OXNAD1: variants seen among roughly 807,000 people sequenced by gnomAD.
OXNAD1 encodes the protein oxidoreductase NAD-binding domain-containing protein 1.
Under a neutral mutation model 32.9 loss-of-function variants are expected in OXNAD1, and 34 were observed. The observed-to-expected ratio is 1.03, with a 90% confidence interval of 0.79 to 1.38. The LOEUF (loss-of-function observed/expected upper bound fraction) is 1.38. OXNAD1 is among the 40% of genes most tolerant of loss of function. The pLI is 0.00. For synonymous variants in OXNAD1, 134 were observed against 135.2 expected (o/e 0.99, Z 0.06); for missense variants, 407 against 379.4 (o/e 1.07, Z -0.60).
intron 9 of OXNAD1, among the ~76,000 whole-genome samples, chr3:16,333,857 A>G (rs893772772): frequency 6.6e-6 from 1 of 152,216 alleles, no homozygotes; most frequent in South Asian, 2.1e-4. Context: ...GCAGAATCTC[A>G]TAAGAAAAAT....
intron 4 of OXNAD1, among the ~76,000 whole-genome samples, chr3:16,282,673 A>G (rs1429097116): frequency 1.3e-5 from 2 of 152,196 alleles, no homozygotes; most frequent in Non-Finnish European, 2.9e-5. Flanking sequence ...AGCTTGGCAC[A>G]TGCTGAATGA....
At chr3:16,306,256 C>CCAT (rs1334923480), downstream of OXNAD1, among the ~76,000 whole-genome samples, 2 of 152,194 alleles carry the variant, frequency 1.3e-5, no homozygotes, top group African/African-American at 4.8e-5. Flanking sequence ...TCTCGTGCAT[C>CCAT]CATCACCCGG....
At chr3:16,295,051 A>G (rs1575125276) in intron 6 of OXNAD1, 54 bp downstream of exon 6, 1 of 1,534,876 alleles carries the variant, frequency 6.5e-7, no homozygotes, top group Non-Finnish European at 8.8e-7. Flanking sequence ...GCCACCCACA[A>G]AATTTGTGTT....
chr3:16,322,623 A>G lies in OXNAD1; in HGVS notation c.*31-14489A>G, dbSNP rs1245514314. 1.3e-5 allele frequency among the ~76,000 whole-genome samples: 2 copies of G among 152,204 alleles called. No individual in the cohort carries two copies. Among genetic ancestry groups the G allele is most frequent in the Non-Finnish European group, 2.9e-5 (2 of 68,030 alleles). Reference sequence around the variant, plus strand: ...TGAAAATGTCCTCAGGAAAAGCACCACAGGCTGCTCAGGGTGGGGTGGGAA... The same window carrying G: ...TGAAAATGTCCTCAGGAAAAGCACCGCAGGCTGCTCAGGGTGGGGTGGGAA... On this transcript the variant is annotated intron_variant, in intron 9 of 9. Coordinates refer to the OXNAD1 transcript ENST00000435829. This position sits in a 1 kb window ranked among gnomAD's most constrained non-coding sequence, Gnocchi z 6.2.
chr3:16,269,071 A>T, intron 1 of OXNAD1, 55 bp from the exon 2 acceptor site: 1 of 1,375,648 alleles, frequency 7.3e-7, no homozygotes. Flanking sequence ...AAGAGGTAAT[A>T]GTGCTTTTGA....
At chr3:16,282,554 A>ATT (rs1237308715) in intron 4 of OXNAD1, among the ~76,000 whole-genome samples, 1 of 152,152 alleles carries the variant, frequency 6.6e-6, no homozygotes, top group Non-Finnish European at 1.5e-5. Flanking sequence ...AGGCAAAAAC[A>ATT]TTATATTGGT....
rs1236918419 is a variant in OXNAD1, at chr3:16,337,285, G to A, written c.*204G>A. ...TTAGTCGATTTCCTAAAAGTTGAAG[G>A]AAAAATCACCCAGCTGACCTGTTTG... On this transcript the variant is annotated 3_prime_UTR_variant, in exon 10 of 10. Transcript: ENST00000435829. The surrounding 1 kb of genome is among the most constrained non-coding windows in gnomAD (Gnocchi z 5.0). 6.6e-6 allele frequency: 1 copy of A among 152,156 alleles called. No individual in the cohort carries two copies. Among genetic ancestry groups the A allele is most frequent in the East Asian group, 1.9e-4 (1 of 5,198 alleles). 9.4% of individuals were successfully genotyped at this position (152,156 alleles called of 1,614,324 possible).
chr3:16,347,710 AGAG>A (rs1054065403), intron 9 of OXNAD1: 2 of 152,248 alleles, frequency 1.3e-5, no homozygotes, highest in Non-Finnish European at 2.9e-5. Flanking sequence ...GTCAGAGGAG[AGAG>A]GAGGATTCAG....
chr3:16,318,555 C>T (rs77338905), intron 9 of OXNAD1, among the ~76,000 whole-genome samples: 4,367 of 152,290 alleles, frequency 0.029, 104 homozygotes, highest in Non-Finnish European at 0.038. Context: ...CGGTAGAGAT[C>T]TGTTTCCTCA....
chr3:16,318,824 C>A (rs1463522933), intron 9 of OXNAD1, among the ~76,000 whole-genome samples: 1 of 152,212 alleles, frequency 6.6e-6, no homozygotes, highest in Non-Finnish European at 1.5e-5. Flanking sequence ...CGTACTGTAG[C>A]TGACAGACTT....
rs1456728664 is a variant in OXNAD1, at chr3:16,301,111, G to A, written c.433-515G>A. ...AGCACTGAACAGTACTACAGGGCTG[G>A]TCTAAGCCTGTAGAGCTGGTCTGGC... is the stretch of plus-strand genomic sequence containing the variant. On this transcript the variant is annotated intron_variant, in intron 6 of 8. Coordinates refer to ENST00000285083, the MANE Select transcript of OXNAD1 (RefSeq NM_138381.5). The surrounding 1 kb of genome is among the most constrained non-coding windows in gnomAD (Gnocchi z 4.1). Among the ~76,000 whole-genome samples, 1 of 152,174 alleles carries A rather than the reference G, an allele frequency of 6.6e-6. No individual in the cohort carries two copies. Among genetic ancestry groups the A allele is most frequent in the Non-Finnish European group, 1.5e-5 (1 of 68,038 alleles).
At chr3:16,331,812 C>T (rs1017931163) in intron 9 of OXNAD1, among the ~76,000 whole-genome samples, 9 of 152,168 alleles carry the variant, frequency 5.9e-5, no homozygotes, top group African/African-American at 1.4e-4. Flanking sequence ...TAGTGACTCT[C>T]TAGGCAACAA....
In OXNAD1 at chr3:16,265,761, A is replaced by C; in HGVS notation, c.-159+256A>C. The C allele has an allele frequency of 1.7e-6, 1 of 582,468 alleles. No individual in the cohort carries two copies. The highest frequency in any genetic ancestry group is 2.2e-6 in the Non-Finnish European group (1 of 462,082). 36.1% of individuals were successfully genotyped at this position (582,468 alleles called of 1,614,324 possible). ...TGTTATTCCATTTTATTAATCTTTAAACTGAGGTACAGAGAGTTGGGCATC... is the reference window on the plus strand; with the variant it reads ...TGTTATTCCATTTTATTAATCTTTACACTGAGGTACAGAGAGTTGGGCATC... On this transcript the variant is annotated intron_variant, in intron 1 of 8. Transcript: ENST00000285083. The surrounding 1 kb of genome is among the most constrained non-coding windows in gnomAD (Gnocchi z 4.8).
In OXNAD1 at chr3:16,271,244, C is replaced by T. The variant is rs945885200; in HGVS notation, c.119+173C>T. The T allele has an allele frequency of 2.6e-6, 2 of 775,628 alleles. No individual in the cohort carries two copies. The highest frequency in any genetic ancestry group is 3.5e-5 in the African/African-American group (2 of 57,180). 48.0% of individuals were successfully genotyped at this position (775,628 alleles called of 1,614,324 possible). The stretch of plus-strand genomic sequence containing the variant: ...TCTGAGATGGAGTCTTGCTCCGTCG[C>T]CTGGGCTGGAGTGCAGTGGCACGAT... On this transcript the variant is annotated intron_variant, in intron 3 of 8. Coordinates refer to ENST00000285083, the MANE Select transcript of OXNAD1 (RefSeq NM_138381.5). The surrounding 1 kb of genome is among the most constrained non-coding windows in gnomAD (Gnocchi z 4.6).
chr3:16,341,447 A>G (rs998396045), downstream of OXNAD1, among the ~76,000 whole-genome samples: 2 of 152,222 alleles, frequency 1.3e-5, no homozygotes, highest in Non-Finnish European at 2.9e-5. This position sits in a 1 kb window ranked among gnomAD's most constrained non-coding sequence, Gnocchi z 4.7. Context: ...GTGGAACCAT[A>G]CAATGAAATA....
rs2280138 is a variant in OXNAD1, at chr3:16,303,000, C to A, written c.784+252C>A. On this transcript the variant is annotated intron_variant, in intron 8 of 8. Transcript: ENST00000285083. The surrounding 1 kb of genome is among the most constrained non-coding windows in gnomAD (Gnocchi z 4.2). ...GGCCTTTGCATCATCACTGTAGTGTCCATACAAATAATTTATATTCCAGAT... is the reference window on the plus strand; with the variant it reads ...GGCCTTTGCATCATCACTGTAGTGTACATACAAATAATTTATATTCCAGAT... Among the ~76,000 whole-genome samples the A allele has an allele frequency of 0.031, 4,785 of 152,300 alleles. 104 individuals are homozygous for A. Among genetic ancestry groups the A allele is most frequent in the Middle Eastern group, 0.082 (24 of 294 alleles).
rs2071389318 is a variant in OXNAD1, at chr3:16,342,609, CTT to C, written c.*31-6564_*31-6563del. On this transcript the variant is annotated intron_variant, in intron 9 of 9. Transcript: ENST00000606098. The surrounding 1 kb of genome is among the most constrained non-coding windows in gnomAD (Gnocchi z 4.0). Reference sequence around the variant, plus strand: ...ATTTTGGGAAAGTGTCCATGGATCACTTTTATAAAAATAAAAAAAGTTATAAG... The same window carrying C: ...ATTTTGGGAAAGTGTCCATGGATCACTTATAAAAATAAAAAAAGTTATAAG... 6.6e-6 allele frequency among the ~76,000 whole-genome samples: 1 copy of C among 152,128 alleles called. No individual in the cohort carries two copies. Among genetic ancestry groups the C allele is most frequent in the African/African-American group, 2.4e-5 (1 of 41,422 alleles).
Position 16,314,732 on chromosome 3 carries a change from A to C in OXNAD1, c.*30+11140A>C, listed in dbSNP as rs2068216678. On this transcript the variant is annotated intron_variant, in intron 9 of 9. Coordinates refer to the OXNAD1 transcript ENST00000435829. The surrounding 1 kb of genome is among the most constrained non-coding windows in gnomAD (Gnocchi z 4.4). ...TTTTTTCCCCATAGCAAATACAGCC[A>C]ACATAAATGTCAATTAATTAATTGA... The C allele has an allele frequency of 1.3e-5, 2 of 152,224 alleles. No individual in the cohort carries two copies. The highest frequency in any genetic ancestry group is 2.4e-5 in the African/African-American group (1 of 41,454). The allele number at this position is 152,224 out of a possible 1,614,324, so 9.4% of individuals were successfully genotyped here. A position where few individuals can be genotyped will look rare whatever the true frequency, so the allele number is the denominator to read the frequency against.
At position 16,322,650 on chromosome 3, in the gene OXNAD1, C is replaced by G. The variant is rs1261128036; in HGVS notation, c.*31-14462C>G. 6.6e-6 allele frequency among the ~76,000 whole-genome samples: 1 copy of G among 152,218 alleles called. No homozygotes were observed. Among genetic ancestry groups the G allele is most frequent in the East Asian group, 1.9e-4 (1 of 5,190 alleles). ...AGGCTGCTCAGGGTGGGGTGGGAAG[C>G]ATCAGAATCATCTGGCACAAGGGTT... On this transcript the variant is annotated intron_variant, in intron 9 of 9. Coordinates refer to the OXNAD1 transcript ENST00000435829. This position sits in a 1 kb window ranked among gnomAD's most constrained non-coding sequence, Gnocchi z 6.2.
Sources: allele counts gnomAD v4.1 joint callset (sites outside exome capture counted in the v4.1 genomes callset), GRCh38; gene constraint gnomAD v4.1.1; non-coding constraint Gnocchi (gnomAD v3.1); transcripts MANE v1.5; gene names NCBI Gene and HGNC (gene_info 2026-07-23, HGNC 2026-07-21).